The following FANK1 variants were observed in gnomAD, a reference collection of about 807,000 sequenced individuals.
FANK1 encodes the protein fibronectin type III and ankyrin repeat domains 1, also known as fibronectin type 3 and ankyrin repeat domains protein 1.
In FANK1, 44 loss-of-function variants were observed where a neutral mutation model predicts 45.3. That is an observed-to-expected ratio of 0.97 (90% CI 0.76 to 1.25). FANK1 has a LOEUF of 1.25. Among genes scored for constraint, FANK1 ranks in the 50% most tolerant of loss-of-function variants. The pLI, the probability that FANK1 is intolerant of heterozygous loss-of-function variation, is 0.00. For synonymous variants in FANK1, 149 were observed against 152.5 expected (o/e 0.98, Z 0.17); for missense variants, 391 against 424.4 (o/e 0.92, Z 0.69).
rs202147593 is a variant in FANK1, at chr10:125,912,541, CTTCAA to C, written c.13+15891_13+15895del. ...ACAGCTCTCTTAAAAATGTCAGCAACTTCAATTCATTGCTTTTTAAATATCCTGGT... is the reference window on the plus strand; with the variant it reads ...ACAGCTCTCTTAAAAATGTCAGCAACTTCATTGCTTTTTAAATATCCTGGT... On this transcript the variant is annotated intron_variant, in intron 1 of 10. Coordinates refer to ENST00000368693, the MANE Select transcript of FANK1 (RefSeq NM_145235.5). Among the ~76,000 whole-genome samples, 801 of 151,628 alleles carry C rather than the reference CTTCAA, an allele frequency of 5.3e-3. 12 individuals carry two copies. Among genetic ancestry groups the C allele is most frequent in the African/African-American group, 0.018 (751 of 41,366 alleles).
chr10:125,958,390 A>T (rs1031066151), intron 1 of FANK1, among the ~76,000 whole-genome samples: 8 of 152,214 alleles, frequency 5.3e-5, no homozygotes, highest in African/African-American at 1.9e-4. Flanking sequence ...CAGGAAACTT[A>T]CAATCAGGGT....
At chr10:125,944,718 A>G (rs985149508) in intron 1 of FANK1, among the ~76,000 whole-genome samples, 1 of 152,258 alleles carries the variant, frequency 6.6e-6, no homozygotes, top group African/African-American at 2.4e-5. Context: ...TGCCTTAAGG[A>G]CATGCTCCTG....
At chr10:125,955,022 C>T (rs192741195) in intron 1 of FANK1, among the ~76,000 whole-genome samples, 43 of 151,944 alleles carry the variant, frequency 2.8e-4, no homozygotes, top group African/African-American at 1.0e-3. Flanking sequence ...ATAACATTAG[C>T]AGCAATCGCT....
chr10:125,939,612 C>G (rs776788136), intron 1 of FANK1, among the ~76,000 whole-genome samples: 3 of 152,094 alleles, frequency 2.0e-5, no homozygotes, highest in Non-Finnish European at 4.4e-5. Context: ...TGTGCAGTGA[C>G]TAATCCCCGT....
At chr10:125,910,124 C>T (rs1302361086) in intron 1 of FANK1, among the ~76,000 whole-genome samples, 1 of 151,714 alleles carries the variant, frequency 6.6e-6, no homozygotes, top group East Asian at 1.9e-4. Context: ...ATTCTAATAC[C>T]TGAAGCACTT....
chr10:125,993,762 G>A (rs1249556587), intron 3 of FANK1, among the ~76,000 whole-genome samples: 1 of 152,166 alleles, frequency 6.6e-6, no homozygotes, highest in Admixed American at 6.5e-5. Flanking sequence ...TAAAAAATGT[G>A]TAGAATGATG....
chr10:125,942,676 G>A (rs886632174), intron 1 of FANK1, among the ~76,000 whole-genome samples: 67 of 151,860 alleles, frequency 4.4e-4, no homozygotes, highest in African/African-American at 8.5e-4. Context: ...TTTATTAATC[G>A]ACTGCTTGAT....
intron 1 of FANK1, among the ~76,000 whole-genome samples, chr10:125,977,319 T>C (rs554486167): frequency 6.6e-6 from 1 of 152,326 alleles, no homozygotes; most frequent in South Asian, 2.1e-4. Flanking sequence ...TATTTGAAGC[T>C]TACTTGTTGT....
rs534360359 is a variant in FANK1 at position 125,916,940 on chromosome 10, T to A, written c.13+20285T>A. Among the ~76,000 whole-genome samples, 934 of 152,314 alleles carry A rather than the reference T, an allele frequency of 6.1e-3. 13 individuals are homozygous for A. Among genetic ancestry groups the A allele is most frequent in the African/African-American group, 0.021 (880 of 41,572 alleles). On this transcript the variant is annotated intron_variant, in intron 1 of 10. Coordinates refer to ENST00000368693, the MANE Select transcript of FANK1 (RefSeq NM_145235.5). ...ACATCCTTCTCTCTGAAGATAACGCTGAATCGAATCTGAATGATACGTCCT... is the reference window on the plus strand; with the variant it reads ...ACATCCTTCTCTCTGAAGATAACGCAGAATCGAATCTGAATGATACGTCCT...
intron 3 of FANK1, chr10:125,994,948 A>G (rs1952212188): frequency 2.0e-6 from 2 of 985,012 alleles, no homozygotes; most frequent in Admixed American, 6.2e-5. Context: ...CTCAGAGAAG[A>G]CAAGGCCAAT....
At chr10:126,000,653 G>A (rs1164646878) in intron 6 of FANK1, among the ~76,000 whole-genome samples, 1 of 152,120 alleles carries the variant, frequency 6.6e-6, no homozygotes, top group Non-Finnish European at 1.5e-5. Context: ...ATTTTATCTT[G>A]TAATGTGAAA....
At chr10:125,958,753 A>C (rs1338984169) in intron 1 of FANK1, among the ~76,000 whole-genome samples, 2 of 152,238 alleles carry the variant, frequency 1.3e-5, no homozygotes, top group African/African-American at 4.8e-5. Flanking sequence ...AGCATTTAAA[A>C]AATATATTTC....
intron 1 of FANK1, among the ~76,000 whole-genome samples, chr10:125,976,262 C>T (rs1468704587): frequency 1.3e-5 from 2 of 152,032 alleles, no homozygotes; most frequent in South Asian, 2.1e-4. Flanking sequence ...TTCATTTCAA[C>T]GTTGGAAAAC....
At chr10:126,000,195 T>C (rs1265601491) in intron 6 of FANK1, among the ~76,000 whole-genome samples, 1 of 152,244 alleles carries the variant, frequency 6.6e-6, no homozygotes, top group African/African-American at 2.4e-5. Context: ...TCTTCTCAAA[T>C]ACTGCATTGA....
At chr10:125,968,980 T>A (rs547175723) in intron 1 of FANK1, among the ~76,000 whole-genome samples, 1 of 152,202 alleles carries the variant, frequency 6.6e-6, no homozygotes, top group Non-Finnish European at 1.5e-5. Context: ...GGCATAAAAT[T>A]GTTTTATTTG....
chr10:125,995,541 A>G, intron 4 of FANK1, 43 bp downstream of exon 4: 3 of 1,567,686 alleles, frequency 1.9e-6, no homozygotes, highest in South Asian at 2.2e-5. Flanking sequence ...CCATGCCTAT[A>G]AAGTGCATAG....
intron 1 of FANK1, among the ~76,000 whole-genome samples, chr10:125,957,514 T>TTTTATTTTGCC (rs1466879298): frequency 1.6e-4 from 24 of 151,990 alleles, no homozygotes; most frequent in Non-Finnish European, 4.4e-5. Flanking sequence ...TATGTTAAGC[T>TTTTATTTTGCC]TTTATTTTGC....
At chr10:126,001,653 G>C (rs990483414) in intron 6 of FANK1, among the ~76,000 whole-genome samples, 31 of 152,156 alleles carry the variant, frequency 2.0e-4, no homozygotes, top group African/African-American at 7.5e-4. Flanking sequence ...ATGGGTGCCA[G>C]GCAGTTTGAG....
intron 1 of FANK1, among the ~76,000 whole-genome samples, chr10:125,966,001 A>C (rs1469094689): frequency 6.6e-6 from 1 of 152,222 alleles, no homozygotes; most frequent in Non-Finnish European, 1.5e-5. Context: ...AGAGGGAGGC[A>C]GGACAGGTAT....
Sources: gnomAD v4.1 joint callset for allele counts (sites outside exome capture counted in the v4.1 genomes callset) on GRCh38, gnomAD v4.1.1 for gene constraint, MANE v1.5 for transcripts, NCBI Gene and HGNC (gene_info 2026-07-23, HGNC 2026-07-21) for gene names.